ZNF609: variants seen among roughly 807,000 people sequenced by gnomAD.
ZNF609 encodes zinc finger protein 609.
In ZNF609, 11 loss-of-function variants were observed where a neutral mutation model predicts 109.5. That is an observed-to-expected ratio of 0.10 (90% CI 0.06 to 0.17). The LOEUF (loss-of-function observed/expected upper bound fraction) is 0.17. ZNF609 is among the 10% of genes least tolerant of loss of function. ZNF609 has a pLI of 1.00. For synonymous variants in ZNF609, 646 were observed against 662.0 expected, an observed-to-expected ratio of 0.98 and a Z score of 0.37; for missense variants, 1,559 against 1,772.4, an observed-to-expected ratio of 0.88 and a Z score of 2.16.
chr15:64,488,867 G>A (rs536242982), intron 1 of ZNF609, among the ~76,000 whole-genome samples: 1 of 151,442 alleles, frequency 6.6e-6, no homozygotes, highest in East Asian at 1.9e-4. Context: ...GAACGCAGGA[G>A]TTTGAGACCA....
At chr15:64,588,428 A>AC (rs1895235976) in intron 2 of ZNF609, among the ~76,000 whole-genome samples, 1 of 128,944 alleles carries the variant, frequency 7.8e-6, no homozygotes, top group African/African-American at 3.3e-5. Context: ...ACTCTGTCTA[A>AC]AAAAAAAAAA....
intron 2 of ZNF609, among the ~76,000 whole-genome samples, chr15:64,550,791 C>T (rs960964124): frequency 2.8e-5 from 4 of 142,598 alleles, no homozygotes; most frequent in Non-Finnish European, 6.0e-5. Flanking sequence ...AGCCGATGAT[C>T]GTGCCACTGC....
At chr15:64,522,597 G>GT (rs1215072233) in intron 2 of ZNF609, among the ~76,000 whole-genome samples, 3 of 151,916 alleles carry the variant, frequency 2.0e-5, no homozygotes, top group Non-Finnish European at 2.9e-5. Flanking sequence ...CTGGGTGTTT[G>GT]TTTTTTTTAA....
intron 3 of ZNF609, among the ~76,000 whole-genome samples, chr15:64,664,800 A>C (rs544845085): frequency 2.0e-5 from 3 of 152,198 alleles, no homozygotes; most frequent in African/African-American, 4.8e-5. Context: ...TCTTCTCTTC[A>C]GCTCATTCAT....
At chr15:64,507,818 C>T (rs1312151971) in intron 2 of ZNF609, among the ~76,000 whole-genome samples, 2 of 152,098 alleles carry the variant, frequency 1.3e-5, no homozygotes, top group African/African-American at 4.8e-5. Flanking sequence ...CACTTAATTT[C>T]CCAGTTGTGC....
chr15:64,614,395 A>AT (rs897502926), intron 2 of ZNF609, among the ~76,000 whole-genome samples: 3 of 151,428 alleles, frequency 2.0e-5, no homozygotes, highest in Non-Finnish European at 4.4e-5. Flanking sequence ...ATGCCCGGCT[A>AT]TTTTTTTTAT....
At chr15:64,475,511 C>T (rs1893157613) in intron 1 of ZNF609, among the ~76,000 whole-genome samples, 1 of 150,218 alleles carries the variant, frequency 6.7e-6, no homozygotes, top group Non-Finnish European at 1.5e-5. Flanking sequence ...GCCTCAGCCT[C>T]CCGAGTAACT....
intron 2 of ZNF609, among the ~76,000 whole-genome samples, chr15:64,539,657 C>T (rs1894216157): frequency 6.6e-6 from 1 of 152,202 alleles, no homozygotes; most frequent in African/African-American, 2.4e-5. Flanking sequence ...GCGCCTGCCA[C>T]CATTCCCGGC....
At chr15:64,615,187 A>G (rs554117206) in intron 2 of ZNF609, among the ~76,000 whole-genome samples, 1 of 152,062 alleles carries the variant, frequency 6.6e-6, no homozygotes, top group South Asian at 2.1e-4. Flanking sequence ...GTGCAGTGGT[A>G]GTACCTTGGC....
chr15:64,484,398 C>T (rs1334244535), intron 1 of ZNF609, among the ~76,000 whole-genome samples: 1 of 152,162 alleles, frequency 6.6e-6, no homozygotes, highest in East Asian at 1.9e-4. Flanking sequence ...AGAATCTTGG[C>T]CGGGCACAGT....
At chr15:64,587,964 T>C (rs1895225454) in intron 2 of ZNF609, among the ~76,000 whole-genome samples, 1 of 151,586 alleles carries the variant, frequency 6.6e-6, no homozygotes, top group South Asian at 2.1e-4. Context: ...GGTCTTGAAC[T>C]CCCGAACTCA....
chr15:64,529,455 G>A (rs764655653), intron 2 of ZNF609: 1 of 975,244 alleles, frequency 1.0e-6, no homozygotes, highest in Non-Finnish European at 1.6e-6. Flanking sequence ...GGGTGATGGG[G>A]TTTCCATTGA....
At chr15:64,650,758 A>G (rs1158352464) in intron 3 of ZNF609, among the ~76,000 whole-genome samples, 3 of 152,172 alleles carry the variant, frequency 2.0e-5, no homozygotes, top group African/African-American at 7.2e-5. Flanking sequence ...ATCCATTTGC[A>G]CAGAATATTC....
At chr15:64,600,787 T>C (rs1327328081) in intron 2 of ZNF609, among the ~76,000 whole-genome samples, 1 of 152,158 alleles carries the variant, frequency 6.6e-6, no homozygotes, top group African/African-American at 2.4e-5. Flanking sequence ...GTTAAGTATG[T>C]TCTACAAAAT....
chr15:64,557,212 T>C (rs1335476952), intron 2 of ZNF609, among the ~76,000 whole-genome samples: 1 of 150,900 alleles, frequency 6.6e-6, no homozygotes, highest in Non-Finnish European at 1.5e-5. Context: ...TTTGACAACT[T>C]CTGATACCAA....
chr15:64,561,057 C>CA (rs1326534063), intron 2 of ZNF609, among the ~76,000 whole-genome samples: 1 of 152,136 alleles, frequency 6.6e-6, no homozygotes, highest in African/African-American at 2.4e-5. Context: ...CCATTATTCC[C>CA]ATTCATATAC....
At position 64,499,987 on chromosome 15, in the gene ZNF609, C is replaced by T; in HGVS notation, c.568C>T (p.Pro190Ser). The T allele has an allele frequency of 6.2e-7, 1 of 1,614,086 alleles. No homozygotes were observed. The highest frequency in any genetic ancestry group is 1.1e-5 in the South Asian group (1 of 91,078). Residue 190 changes from proline to serine, a missense_variant, in exon 2 of 10, where the codon CCC (proline) becomes TCC (serine). Physicochemically the swap from Pro to Ser is moderately conservative, Grantham distance 74. This residue lies in a region of ZNF609 where 291 missense variants were observed against 317.8 expected (regional missense o/e 0.92). Transcript: ENST00000326648. ...EKDPGVLQPVPLGGRGGQYDG... is the reference protein window; with the variant it reads ...EKDPGVLQPVSLGGRGGQYDG... ...GGATCCTGGGGTCCTCCAGCCAGTT[C>T]CCTTGGGAGGACGGGGTGGTCAGTA...
intron 2 of ZNF609, among the ~76,000 whole-genome samples, chr15:64,618,863 G>A (rs1297763385): frequency 6.6e-6 from 1 of 152,200 alleles, no homozygotes; most frequent in African/African-American, 2.4e-5. Context: ...CTAGGGTCTG[G>A]GGAGTTTTTA....
chr15:64,557,014 A>C (rs1434706145), intron 2 of ZNF609, among the ~76,000 whole-genome samples: 3 of 152,158 alleles, frequency 2.0e-5, no homozygotes, highest in Non-Finnish European at 2.9e-5. Flanking sequence ...ATAACAAGTT[A>C]ATATTAAATT....
Sources: gnomAD v4.1 joint callset for allele counts (sites outside exome capture counted in the v4.1 genomes callset) on GRCh38, gnomAD v4.1.1 for gene constraint, gnomAD v4.1.1 regional missense constraint, MANE v1.5 for transcripts, NCBI Gene and HGNC (gene_info 2026-07-23, HGNC 2026-07-21) for gene names.